Variants in SANBR observed in about 807,000 individuals in gnomAD.
The protein encoded by SANBR is SANT and BTB domain regulator of CSR, also known as SANT and BTB domain regulator of class switch recombination.
SANBR carries 77 observed loss-of-function variants against 101.8 expected under a neutral mutation model. The observed-to-expected ratio is 0.76, with a 90% CI of 0.63 to 0.91. SANBR has a LOEUF of 0.91. Among genes scored for constraint, SANBR ranks in the 40% least tolerant of loss-of-function variants. The pLI is 0.00. For missense variants in SANBR, 875 were observed against 853.0 expected (o/e 1.03, Z -0.32); for synonymous variants, 279 against 274.7 (o/e 1.02, Z -0.15).
intron 20 of SANBR, among the ~76,000 whole-genome samples, chr2:61,131,503 C>T (rs2104991308): frequency 6.6e-6 from 1 of 152,190 alleles, no homozygotes; most frequent in Admixed American, 6.5e-5. Context: ...ATTCTGAAAA[C>T]ATTCAAATAA....
In SANBR at chr2:61,097,682, T is replaced by C. The variant is rs1429761595; in HGVS notation, c.1213-18T>C. 5 of 1,541,630 alleles carry C rather than the reference T, an allele frequency of 3.2e-6. No homozygotes were observed. In the South Asian group the frequency reaches 6.0e-5, roughly 18 times the overall value. On this transcript the variant is annotated intron_variant, in intron 11 of 21. Transcript: ENST00000402291. Reference sequence around the variant, plus strand: ...TTGTTGTGGAAATAGTAGTTGATTTTATCTATGTCTTTATCAGGCCTTTCT... The same window carrying C: ...TTGTTGTGGAAATAGTAGTTGATTTCATCTATGTCTTTATCAGGCCTTTCT...
At chr2:61,122,003 T>C in intron 21 of SANBR, 123 bp from the exon 22 acceptor site, 1 of 1,297,792 alleles carries the variant, frequency 7.7e-7, no homozygotes, top group Non-Finnish European at 1.0e-6. Flanking sequence ...AGAAAATGGA[T>C]TACGGAGCTG....
At chr2:61,074,461 G>A (rs1681651516) in intron 5 of SANBR, among the ~76,000 whole-genome samples, 1 of 152,160 alleles carries the variant, frequency 6.6e-6, no homozygotes, top group Admixed American at 6.5e-5. Context: ...CAAGCTGGAG[G>A]GCAGTGGCTC....
At chr2:61,094,088 G>GT in intron 11 of SANBR, 6 of 983,530 alleles carry the variant, frequency 6.1e-6, no homozygotes, top group Non-Finnish European at 7.2e-6. Flanking sequence ...ATTTTAAACT[G>GT]TTTAAGTTCC....
rs75961570 is a variant in SANBR at position 61,123,568 on chromosome 2, A to G, written c.*1406A>G. The G allele has an allele frequency of 1.7e-3, 1,671 of 967,202 alleles. 23 individuals carry two copies. The African/African-American group carries it at 0.027, about 16-fold the overall frequency. 59.9% of individuals were successfully genotyped at this position (967,202 alleles called of 1,614,324 possible). A position where few individuals can be genotyped will look rare whatever the true frequency, so the allele number is the denominator to read the frequency against. On this transcript the variant is annotated 3_prime_UTR_variant, in exon 22 of 22. Coordinates refer to ENST00000402291, the MANE Select transcript of SANBR (RefSeq NM_001129993.3). ...CTTGTAGTACATATTATATGTAAGT[A>G]CTCTGTTAAATACCAGAGTTTTTTT...
chr2:61,136,612 G>C (rs962212906), intron 21 of SANBR, among the ~76,000 whole-genome samples: 1 of 151,144 alleles, frequency 6.6e-6, no homozygotes. Flanking sequence ...CTGGGCGACA[G>C]AGCGAGACTA....
intron 5 of SANBR, among the ~76,000 whole-genome samples, chr2:61,076,355 C>T (rs1456718792): frequency 6.0e-5 from 9 of 149,332 alleles, no homozygotes; most frequent in South Asian, 2.1e-4. Context: ...CGGTGGCTCA[C>T]GCCTGTAATC....
At chr2:61,127,715 A>G (rs1684554566), downstream of SANBR, among the ~76,000 whole-genome samples, 1 of 152,220 alleles carries the variant, frequency 6.6e-6, no homozygotes, top group Admixed American at 6.6e-5. Context: ...AAAAATGAAC[A>G]GAGCCTCAGA....
At chr2:61,126,846 C>T (rs938243385), downstream of SANBR, among the ~76,000 whole-genome samples, 1 of 151,642 alleles carries the variant, frequency 6.6e-6, no homozygotes, top group African/African-American at 2.4e-5. Flanking sequence ...TCTCAGACTT[C>T]ATTTTCCATC....
At chr2:61,116,476 T>C (rs965435619) in intron 17 of SANBR, among the ~76,000 whole-genome samples, 5 of 152,106 alleles carry the variant, frequency 3.3e-5, no homozygotes, top group African/African-American at 1.2e-4. Context: ...ATATTATTTA[T>C]TCAAAAAATT....
rs1684428956 is a variant in SANBR at position 61,123,832 on chromosome 2, C to A, written c.*1670C>A. 3.1e-6 allele frequency: 3 copies of A among 974,828 alleles called. No homozygotes were observed. The allele number at this position is 974,828 out of a possible 1,614,324, so 60.4% of individuals were successfully genotyped here. On this transcript the variant is annotated 3_prime_UTR_variant, in exon 22 of 22. Transcript: ENST00000402291. ...TTTGGCCAGGTGTAGTGGCTCACGC[C>A]AGTAATCCCAGCACTTTGGGAGGCC...
chr2:61,078,237 AC>A (rs1681896192), intron 6 of SANBR, among the ~76,000 whole-genome samples: 3 of 152,220 alleles, frequency 2.0e-5, no homozygotes, highest in African/African-American at 7.2e-5. Flanking sequence ...TTTGTTATTA[AC>A]GGAGTCAGAA....
downstream of SANBR, among the ~76,000 whole-genome samples, chr2:61,127,644 CCTTTTCCCCA>C (rs1294361215): frequency 6.6e-6 from 1 of 152,132 alleles, no homozygotes; most frequent in African/African-American, 2.4e-5. Context: ...ATTTTTCCCA[CCTTTTCCCCA>C]CTTTTTTCTT....
In SANBR at chr2:61,083,216, C is replaced by T; in HGVS notation, c.792C>T (p.Asn264=). ...NMNAIVATPC[N]MNCINANLLT... ...ATGCCATAGTAGCTACCCCATGCAA[C>T]ATGAACTGTATTAATGCAAATCTTC... Residue 264 remains asparagine, a synonymous_variant, in exon 8 of 22, where the codon AAC becomes AAT. Coordinates refer to ENST00000402291, the MANE Select transcript of SANBR (RefSeq NM_001129993.3). The T allele has an allele frequency of 6.2e-7, 1 of 1,611,332 alleles. No homozygotes were observed.
In SANBR at chr2:61,103,903, C is replaced by T. The variant is rs762078289; in HGVS notation, c.1416C>T (p.Gly472=). 25 of 1,613,970 alleles carry T rather than the reference C, an allele frequency of 1.5e-5. No homozygotes were observed. Among genetic ancestry groups the T allele is most frequent in the South Asian group, 3.3e-5 (3 of 91,086 alleles). ...HMVTLRDQGE[G]GDLPSCPTAR... is the part of the protein sequence containing the mutation. ...TTACACTTCGTGATCAAGGTGAAGG[C>T]GGAGATTTGCCGTCCTGTCCCACTG... Residue 472 remains glycine, a synonymous_variant, in exon 13 of 22, where the codon GGC becomes GGT. Coordinates refer to ENST00000402291, the MANE Select transcript of SANBR (RefSeq NM_001129993.3).
At chr2:61,077,711 G>A (rs1379638184) in intron 6 of SANBR, among the ~76,000 whole-genome samples, 1 of 152,140 alleles carries the variant, frequency 6.6e-6, no homozygotes, top group Admixed American at 6.6e-5. Flanking sequence ...GTGATGAAAT[G>A]GAAAGTCCAC....
intron 20 of SANBR, among the ~76,000 whole-genome samples, chr2:61,120,220 G>A (rs560524910): frequency 6.6e-6 from 1 of 151,474 alleles, no homozygotes; most frequent in Non-Finnish European, 1.5e-5. Flanking sequence ...AAAGAACATT[G>A]GACCGGGTGC....
rs547628005 is a variant in SANBR at position 61,094,684 on chromosome 2, C to A, written c.1212+2097C>A. Among the ~76,000 whole-genome samples, 32 of 123,484 alleles carry A rather than the reference C, an allele frequency of 2.6e-4. No homozygotes were observed. The Admixed American group carries it at 2.7e-3, about 10-fold the overall frequency. The allele number at this position is 123,484 out of a possible 152,430, so 81.0% of individuals were successfully genotyped here. A position where few individuals can be genotyped will look rare whatever the true frequency, so the allele number is the denominator to read the frequency against. ...TTGAGATGGAGTTTCACTCTTGTTG[C>A]CCAACCTGGAGTGCGCTGGCGCCAT... On this transcript the variant is annotated intron_variant, in intron 11 of 21. Transcript: ENST00000402291.
At chr2:61,082,470 C>T (rs1682185028) in intron 7 of SANBR, among the ~76,000 whole-genome samples, 1 of 152,138 alleles carries the variant, frequency 6.6e-6, no homozygotes, top group African/African-American at 2.4e-5. Flanking sequence ...TCGGAATTGA[C>T]TGAAATTTTC....
Sources: allele counts gnomAD v4.1 joint callset (sites outside exome capture counted in the v4.1 genomes callset), GRCh38; gene constraint gnomAD v4.1.1; transcripts MANE v1.5; gene names NCBI Gene and HGNC (gene_info 2026-07-23, HGNC 2026-07-21).